PPID: variants seen among roughly 807,000 people sequenced by gnomAD.
PPID encodes peptidylprolyl isomerase D.
A neutral mutation model predicts 48.1 loss-of-function variants in PPID; 47 were observed. The observed-to-expected ratio is 0.98, with a 90% CI of 0.77 to 1.25. The LOEUF (loss-of-function observed/expected upper bound fraction) is 1.25, where lower values mean the gene tolerates loss of function less well. Ranked by LOEUF, PPID falls within the 50% of genes most tolerant of loss-of-function variation. The pLI is 0.00. For synonymous variants in PPID, 163 were observed against 148.8 expected, an observed-to-expected ratio of 1.10 and a Z score of -0.69; for missense variants, 429 against 443.5, an observed-to-expected ratio of 0.97 and a Z score of 0.29.
intron 7 of PPID, 115 bp from the exon 8 acceptor site, chr4:158,710,963 C>A: frequency 6.4e-6 from 6 of 930,770 alleles, no homozygotes; most frequent in Non-Finnish European, 9.9e-6. Context: ...GAAAATGGAG[C>A]TGAAACATGC....
Position 158,710,794 on chromosome 4 carries a change from A to G in PPID, c.949T>C (p.Trp317Arg). 1 of 1,614,006 alleles carries G rather than the reference A, an allele frequency of 6.2e-7. No homozygotes were observed. Among genetic ancestry groups the G allele is most frequent in the Non-Finnish European group, 8.5e-7 (1 of 1,179,854 alleles). Residue 317 changes from tryptophan to arginine, a missense_variant, in exon 8 of 10, where the codon TGG (tryptophan) becomes CGG (arginine). Transcript: ENST00000307720. ...TGATCATATTCTTTTAATCCTTGCCATCCTTGAGCTCTGCGGTACAATGCT... is the reference window on the plus strand; with the variant it reads ...TGATCATATTCTTTTAATCCTTGCCGTCCTTGAGCTCTGCGGTACAATGCT... Reference protein sequence around the residue: ...TKALYRRAQGWQGLKEYDQAL... With the variant: ...TKALYRRAQGRQGLKEYDQAL...
intron 3 of PPID, among the ~76,000 whole-genome samples, chr4:158,718,077 G>C (rs952332509): frequency 6.6e-6 from 1 of 152,182 alleles, no homozygotes; most frequent in Non-Finnish European, 1.5e-5. Flanking sequence ...CAAGAATCAT[G>C]TGTCTTGTCT....
intron 4 of PPID, among the ~76,000 whole-genome samples, chr4:158,716,413 A>C (rs919083500): frequency 1.3e-5 from 2 of 152,158 alleles, no homozygotes; most frequent in African/African-American, 4.8e-5. Context: ...TCCTCATTCC[A>C]CTATGTACTA....
At chr4:158,720,358 T>C (rs76505422) in intron 2 of PPID, among the ~76,000 whole-genome samples, 2 of 40,288 alleles carry the variant, frequency 5.0e-5, no homozygotes, top group Non-Finnish European at 3.1e-4. Flanking sequence ...ATTTTAAATA[T>C]TTTTTAAAAA....
At position 158,719,251 on chromosome 4, in the gene PPID, A is replaced by G; in HGVS notation, c.262T>C (p.Ser88Pro). The change falls in exon 3 of 10, where the codon TCA (serine) becomes CCA (proline). Residue 88 changes from serine to proline, a missense_variant. Coordinates refer to ENST00000307720, the MANE Select transcript of PPID (RefSeq NM_005038.3). ...TCTCCACCTGTCCCATTCTGATTTG[A>G]GAAGTCTCCACCCTGAATCATAAAT... ...KKFMIQGGDF[S>P]NQNGTGGESI... is the part of the protein sequence containing the mutation. The G allele has an allele frequency of 5.6e-6, 9 of 1,611,180 alleles. No homozygotes were observed. The highest frequency in any genetic ancestry group is 7.6e-6 in the Non-Finnish European group (9 of 1,177,664).
intron 9 of PPID, chr4:158,710,113 T>C (rs17843959): frequency 1.8e-4 from 77 of 418,906 alleles, no homozygotes; most frequent in African/African-American, 1.4e-3. Flanking sequence ...CAAAGACATT[T>C]TGTAATACCC....
chr4:158,723,174 G>T, intron 1 of PPID, 30 bp downstream of exon 1: 1 of 1,596,828 alleles, frequency 6.3e-7, no homozygotes, highest in Admixed American at 1.7e-5. Context: ...CCTCCTCGGG[G>T]CTTTTCCGCG....
chr4:158,719,387 C>CTAG, intron 2 of PPID, 101 bp from the exon 3 acceptor site: 1 of 725,334 alleles, frequency 1.4e-6, no homozygotes, highest in Non-Finnish European at 2.4e-6. Context: ...GTGCATGACT[C>CTAG]TAGTCATGTC....
At position 158,721,477 on chromosome 4, in the gene PPID, C is replaced by A. The variant is rs746957379; in HGVS notation, c.92G>T (p.Arg31Leu). ...DVDIGGERVG[R>L]IVLELFADIV... ...ATCTGCAAACAATTCTAAGACAATT[C>A]GACCAACTAAAAGAAAAGAAAATCT... The change falls in exon 2 of 10, where the codon CGA becomes CTA. Residue 31 changes from arginine (R) to leucine (L), a missense_variant. Arg to Leu is a moderately radical substitution (Grantham distance 102, BLOSUM62 -2). Transcript: ENST00000307720. The A allele has an allele frequency of 6.2e-7, 1 of 1,612,612 alleles. No individual in the cohort carries two copies. The highest frequency in any genetic ancestry group is 8.5e-7 in the Non-Finnish European group (1 of 1,179,586).
intron 2 of PPID, 127 bp from the exon 3 acceptor site, chr4:158,719,413 G>C (rs7666472): frequency 0.98 from 633,731 of 646,104 alleles, 311,787 homozygotes; most frequent in East Asian, 1. Flanking sequence ...CCTGTTTGTC[G>C]CTCCCCACCC....
intron 4 of PPID, among the ~76,000 whole-genome samples, chr4:158,716,479 C>T (rs1002472099): frequency 1.1e-4 from 16 of 149,396 alleles, no homozygotes; most frequent in African/African-American, 4.0e-4. Context: ...CGTAAACTAG[C>T]AAAGATCACC....
At chr4:158,718,707 C>T (rs17843910) in intron 3 of PPID, among the ~76,000 whole-genome samples, 2,237 of 152,248 alleles carry the variant, frequency 0.015, 53 homozygotes, top group African/African-American at 0.049. Context: ...GCAATATACC[C>T]CAATTACATC....
At chr4:158,717,228 C>A in intron 3 of PPID, 28 bp from the exon 4 acceptor site, 1 of 1,584,772 alleles carries the variant, frequency 6.3e-7, no homozygotes, top group South Asian at 1.1e-5. Context: ...AAAAGAAAAC[C>A]AAGGTTAGAT....
In PPID at chr4:158,717,093, C is replaced by T; in HGVS notation, c.441G>A (p.Val147=). The change falls in exon 4 of 10, where the codon GTG becomes GTA. Residue 147 remains valine (V), a synonymous_variant. Transcript: ENST00000307720. The stretch of plus-strand genomic sequence containing the variant: ...TTCCTTTAATTACTTGGCCAAACAC[C>T]ACATGTTTCCCATCCAAATGAGGAG... ...VPTPHLDGKH[V]VFGQVIKGIG... 2 of 1,614,004 alleles carry T rather than the reference C, an allele frequency of 1.2e-6. No homozygotes were observed. Among genetic ancestry groups the T allele is most frequent in the South Asian group, 1.1e-5 (1 of 91,076 alleles).
chr4:158,719,107 T>A, intron 3 of PPID, 73 bp downstream of exon 3: 1 of 993,150 alleles, frequency 1.0e-6, no homozygotes, highest in South Asian at 1.5e-5. Flanking sequence ...TTTTTTGGTG[T>A]CTTAATCCAA....
chr4:158,722,985 T>C (rs1358546371), intron 1 of PPID, among the ~76,000 whole-genome samples: 1 of 152,118 alleles, frequency 6.6e-6, no homozygotes, highest in Non-Finnish European at 1.5e-5. Flanking sequence ...ACTAGAAATT[T>C]CCAGAAACTT....
chr4:158,714,036 A>G (rs900144901), intron 6 of PPID, among the ~76,000 whole-genome samples: 1 of 152,170 alleles, frequency 6.6e-6, no homozygotes, highest in East Asian at 1.9e-4. Flanking sequence ...AAAAAAAAAG[A>G]AAAGAAAAAT....
intron 1 of PPID, among the ~76,000 whole-genome samples, chr4:158,721,924 T>A (rs1313361837): frequency 6.6e-6 from 1 of 152,202 alleles, no homozygotes; most frequent in Non-Finnish European, 1.5e-5. Flanking sequence ...TACTCCACTG[T>A]GCACATATAT....
chr4:158,714,639 G>A (rs1373469462), intron 6 of PPID, among the ~76,000 whole-genome samples: 1 of 150,986 alleles, frequency 6.6e-6, no homozygotes, highest in Non-Finnish European at 1.5e-5. Context: ...CGCCCAGGCT[G>A]GAGTGCAGTG....
Sources: gnomAD v4.1 joint callset for allele counts (sites outside exome capture counted in the v4.1 genomes callset) on GRCh38, gnomAD v4.1.1 for gene constraint, MANE v1.5 for transcripts, NCBI Gene and HGNC (gene_info 2026-07-23, HGNC 2026-07-21) for gene names.